DHRS12: variants seen among roughly 807,000 people sequenced by gnomAD.
The protein encoded by DHRS12 is dehydrogenase/reductase 12, also known as dehydrogenase/reductase SDR family member 12.
DHRS12 carries 29 observed loss-of-function variants against 32.1 expected under a neutral mutation model. That is an observed-to-expected ratio of 0.90 (90% confidence interval 0.67 to 1.23). The LOEUF (loss-of-function observed/expected upper bound fraction) is 1.23. Ranked by LOEUF, DHRS12 falls within the 50% of genes most tolerant of loss-of-function variation. DHRS12 has a pLI of 0.00. For synonymous variants in DHRS12, 150 were observed against 135.9 expected, an observed-to-expected ratio of 1.10 and a Z score of -0.72; for missense variants, 330 against 337.2, an observed-to-expected ratio of 0.98 and a Z score of 0.17.
intron 4 of DHRS12, among the ~76,000 whole-genome samples, chr13:51,781,071 A>G (rs1954681796): frequency 6.6e-6 from 1 of 152,230 alleles, no homozygotes; most frequent in Non-Finnish European, 1.5e-5. Context: ...AGGAGCAGAC[A>G]GCTGCACTGG....
At chr13:51,788,841 C>A (rs2139253627) in intron 4 of DHRS12, among the ~76,000 whole-genome samples, 1 of 151,654 alleles carries the variant, frequency 6.6e-6, no homozygotes, top group Non-Finnish European at 1.5e-5. Flanking sequence ...GCCAGGGCAA[C>A]AGAACAAGAT....
At chr13:51,780,238 A>C (rs1225460210) in intron 4 of DHRS12, among the ~76,000 whole-genome samples, 2 of 152,316 alleles carry the variant, frequency 1.3e-5, no homozygotes, top group Admixed American at 1.3e-4. Flanking sequence ...CAGGAGGGGC[A>C]TTGTTATAAA....
At chr13:51,755,404 C>A in the DHRS12 span, 3 of 1,614,198 alleles carry the variant, frequency 1.9e-6, no homozygotes, top group Non-Finnish European at 2.5e-6. Flanking sequence ...TGTGATCAGC[C>A]TTTCTTCTGG....
chr13:51,777,031 C>A, intron 5 of DHRS12, 29 bp downstream of exon 5: 1 of 1,614,024 alleles, frequency 6.2e-7, no homozygotes, highest in Admixed American at 1.7e-5. Context: ...AGTCCATTAT[C>A]CTCAAAACAT....
the DHRS12 span, among the ~76,000 whole-genome samples, chr13:51,759,027 CA>C: frequency 1.3e-5 from 2 of 152,024 alleles, no homozygotes; most frequent in Admixed American, 6.5e-5. Context: ...ACAAAAAAAT[CA>C]AAAATTAGCC....
At chr13:51,781,788 G>A (rs1954722764) in intron 4 of DHRS12, among the ~76,000 whole-genome samples, 1 of 152,214 alleles carries the variant, frequency 6.6e-6, no homozygotes. Context: ...GGCAACGCCA[G>A]AGACACGCAC....
rs191257370 is a variant in DHRS12, at chr13:51,789,199, T to C, written c.301+812A>G. ...CCAACAACCACCAAAACCCCTGCCA[T>C]CCATCTTGTGACCTAGAACAATACT... On this transcript the variant is annotated intron_variant, in intron 4 of 8. Transcript: ENST00000444610. Among the ~76,000 whole-genome samples the C allele has an allele frequency of 1.8e-3, 272 of 152,292 alleles. 1 individual carries two copies. Among genetic ancestry groups the C allele is most frequent in the African/African-American group, 6.3e-3 (260 of 41,558 alleles).
chr13:51,777,854 C>T (rs992563218), intron 4 of DHRS12, among the ~76,000 whole-genome samples: 3 of 152,236 alleles, frequency 2.0e-5, no homozygotes, highest in African/African-American at 7.2e-5. Context: ...TCTTCTTATA[C>T]ATGCCTGTAT....
chr13:51,765,660 C>T (rs1252613068), downstream of DHRS12: 1 of 152,246 alleles, frequency 6.6e-6, no homozygotes, highest in Admixed American at 6.5e-5. Context: ...GAGCCTATCA[C>T]CACATGCCTT....
chr13:51,772,541 G>A, intron 6 of DHRS12: 10 of 797,068 alleles, frequency 1.3e-5, no homozygotes, highest in Non-Finnish European at 1.5e-5. Context: ...CAGCTACTCA[G>A]GAGGCTGAGG....
rs553594163 is a variant in DHRS12, at chr13:51,771,189, C to A, written c.559+632G>T. On this transcript the variant is annotated intron_variant, in intron 7 of 8. Transcript: ENST00000444610. Reference sequence around the variant, plus strand: ...TCCGCAGACAGCGCTGAGACCAGTTCTTGGCGCCGCGGGTGCACCCTGGGG... The same window carrying A: ...TCCGCAGACAGCGCTGAGACCAGTTATTGGCGCCGCGGGTGCACCCTGGGG... The A allele has an allele frequency of 7.8e-5, 121 of 1,549,122 alleles. 3 individuals are homozygous for A. The South Asian group carries it at 1.3e-3, about 17-fold the overall frequency.
intron 7 of DHRS12, among the ~76,000 whole-genome samples, chr13:51,769,614 C>T (rs1477070647): frequency 6.6e-6 from 1 of 152,148 alleles, no homozygotes; most frequent in East Asian, 1.9e-4. Flanking sequence ...AGAGAGGATT[C>T]TAATGAGCTG....
intron 4 of DHRS12, among the ~76,000 whole-genome samples, chr13:51,780,910 T>C (rs996736619): frequency 3.9e-5 from 6 of 152,364 alleles, no homozygotes; most frequent in Admixed American, 3.3e-4. Flanking sequence ...GAAAACTGAT[T>C]GGCATTTCTA....
chr13:51,771,333 T>C, intron 7 of DHRS12: 1 of 1,600,668 alleles, frequency 6.2e-7, no homozygotes, highest in Non-Finnish European at 8.5e-7. Context: ...CGGAAGAGAA[T>C]TCTGCTCCCC....
the DHRS12 span, among the ~76,000 whole-genome samples, chr13:51,759,134 T>C: frequency 6.6e-6 from 1 of 152,166 alleles, no homozygotes; most frequent in Non-Finnish European, 1.5e-5. Flanking sequence ...TGAGCCATGA[T>C]TGTGCCACTG....
At chr13:51,769,934 C>T (rs1953936532) in intron 7 of DHRS12, among the ~76,000 whole-genome samples, 2 of 152,210 alleles carry the variant, frequency 1.3e-5, no homozygotes, top group South Asian at 4.1e-4. Context: ...CAGCCACACG[C>T]TCTGGCTCCA....
rs1050543434 is a variant in DHRS12, at chr13:51,782,798, G to A, written c.302-5677C>T. The stretch of plus-strand genomic sequence containing the variant: ...GCCTCAGCTCATTAAAAGGACAAAG[G>A]TGCTTATTTGGGATTGTGTTTCTAA... On this transcript the variant is annotated intron_variant, in intron 4 of 8. Coordinates refer to ENST00000444610, the MANE Select transcript of DHRS12 (RefSeq NM_001377533.1). This position sits in a 1 kb window ranked among gnomAD's most constrained non-coding sequence, Gnocchi z 4.2. Among the ~76,000 whole-genome samples the A allele has an allele frequency of 6.6e-6, 1 of 152,164 alleles. No individual in the cohort carries two copies. The highest frequency in any genetic ancestry group is 2.4e-5 in the African/African-American group (1 of 41,440).
At chr13:51,801,378 G>C (rs1955746159) in intron 1 of DHRS12, among the ~76,000 whole-genome samples, 1 of 152,072 alleles carries the variant, frequency 6.6e-6, no homozygotes, top group Non-Finnish European at 1.5e-5. Context: ...AGTAGAGATG[G>C]GTTTTCACCA....
chr13:51,799,717 C>T, intron 1 of DHRS12, 50 bp from the exon 2 acceptor site: 1 of 1,597,402 alleles, frequency 6.3e-7, no homozygotes, highest in Non-Finnish European at 8.5e-7. Context: ...GTGGGGAACA[C>T]AAACCCCTGC....
Sources: gnomAD v4.1 joint callset for allele counts (sites outside exome capture counted in the v4.1 genomes callset) on GRCh38, gnomAD v4.1.1 for gene constraint, Gnocchi (gnomAD v3.1) non-coding constraint, MANE v1.5 for transcripts, NCBI Gene and HGNC (gene_info 2026-07-23, HGNC 2026-07-21) for gene names.